The following SPAG16 variants were observed in gnomAD, a reference collection of about 807,000 sequenced individuals.
SPAG16 encodes sperm associated antigen 16, also known as sperm-associated antigen 16 protein.
Under a neutral mutation model 80.4 loss-of-function variants are expected in SPAG16, and 86 were observed. That is an observed-to-expected ratio of 1.07 (90% confidence interval 0.90 to 1.28). SPAG16 has a LOEUF of 1.28. Among genes scored for constraint, SPAG16 ranks in the 50% most tolerant of loss-of-function variants. The pLI is 0.00. For synonymous variants in SPAG16, 294 were observed against 265.9 expected, an observed-to-expected ratio of 1.11 and a Z score of -1.03; for missense variants, 870 against 765.3, an observed-to-expected ratio of 1.14 and a Z score of -1.61.
chr2:213,844,281 A>G (rs11885664), intron 10 of SPAG16, among the ~76,000 whole-genome samples: 53,747 of 152,090 alleles, frequency 0.35, 10,086 homozygotes, highest in East Asian at 0.53. Flanking sequence ...CAGCCTAATT[A>G]ACATTCAGAG....
chr2:213,772,564 C>CTA (rs2069315871), intron 10 of SPAG16, among the ~76,000 whole-genome samples: 1 of 152,058 alleles, frequency 6.6e-6, no homozygotes, highest in African/African-American at 2.4e-5. Flanking sequence ...AAGAGTACTA[C>CTA]TATATATATG....
chr2:213,679,622 A>T (rs1443232911), intron 10 of SPAG16, among the ~76,000 whole-genome samples: 2 of 152,108 alleles, frequency 1.3e-5, no homozygotes, highest in East Asian at 3.8e-4. Context: ...CCGGTGATTT[A>T]TGTGTTTGCC....
At chr2:214,301,430 C>A (rs981309040) in intron 15 of SPAG16, among the ~76,000 whole-genome samples, 1 of 152,074 alleles carries the variant, frequency 6.6e-6, no homozygotes, top group Admixed American at 6.6e-5. Flanking sequence ...TCCACTCTCA[C>A]CACTCCTATT....
intron 15 of SPAG16, among the ~76,000 whole-genome samples, chr2:214,396,946 T>G (rs2126137302): frequency 6.6e-6 from 1 of 151,928 alleles, no homozygotes; most frequent in East Asian, 1.9e-4. Flanking sequence ...AATACTGGGA[T>G]TTACTAGGAA....
chr2:213,324,287 T>A (rs962762358), intron 5 of SPAG16, among the ~76,000 whole-genome samples: 1 of 152,166 alleles, frequency 6.6e-6, no homozygotes. Flanking sequence ...TTACAGTTAT[T>A]TTTTGTTATG....
chr2:213,456,090 C>T (rs939460147), intron 9 of SPAG16, among the ~76,000 whole-genome samples: 2 of 152,204 alleles, frequency 1.3e-5, no homozygotes, highest in Non-Finnish European at 2.9e-5. Flanking sequence ...CAGTGAGCAG[C>T]CAGACTTGGC....
chr2:214,125,999 TTTCCTTCCTTCCTTCCTTCCTTCCTTCC>T (rs869163622), intron 14 of SPAG16, among the ~76,000 whole-genome samples: 19,045 of 91,502 alleles, frequency 0.21, 5,062 homozygotes, highest in South Asian at 0.32. Flanking sequence ...TCCTTCCTTC[TTTCCTTCCTTCCTTCCTTCCTTCCTTCC>T]TTCCTTCCTT....
intron 10 of SPAG16, among the ~76,000 whole-genome samples, chr2:213,650,664 C>T (rs2062987960): frequency 6.6e-6 from 1 of 152,180 alleles, no homozygotes; most frequent in African/African-American, 2.4e-5. Flanking sequence ...GCAGCAGATA[C>T]TTCTATCTGC....
intron 7 of SPAG16, 27 bp from the exon 8 acceptor site, chr2:213,364,049 T>G (rs773917559): frequency 9.6e-6 from 12 of 1,244,572 alleles, no homozygotes; most frequent in African/African-American, 1.6e-5. Flanking sequence ...AGTGTATAAT[T>G]TCATTTCTTT....
intron 15 of SPAG16, among the ~76,000 whole-genome samples, chr2:214,384,565 C>T (rs1227823920): frequency 2.6e-5 from 4 of 152,168 alleles, no homozygotes; most frequent in Non-Finnish European, 1.5e-5. Context: ...TCCTCCCTAT[C>T]CCATGAATAA....
intron 12 of SPAG16, among the ~76,000 whole-genome samples, chr2:213,948,099 A>G (rs2079552915): frequency 6.6e-6 from 1 of 152,104 alleles, no homozygotes; most frequent in African/African-American, 2.4e-5. Flanking sequence ...CTAACTTCTC[A>G]GAATTAGTTT....
intron 10 of SPAG16, among the ~76,000 whole-genome samples, chr2:213,603,446 G>C (rs1347985220): frequency 6.6e-6 from 1 of 152,162 alleles, no homozygotes; most frequent in East Asian, 1.9e-4. Flanking sequence ...TATTTAAATG[G>C]AGTTGAGTTT....
intron 7 of SPAG16, among the ~76,000 whole-genome samples, chr2:213,355,860 TTCTC>T (rs2065619424): frequency 6.6e-6 from 1 of 152,196 alleles, no homozygotes; most frequent in Non-Finnish European, 1.5e-5. Context: ...CTTTATTTCT[TTCTC>T]TTGCCTGATT....
chr2:213,768,142 A>G (rs1049026251), intron 10 of SPAG16, among the ~76,000 whole-genome samples: 3 of 152,198 alleles, frequency 2.0e-5, no homozygotes, highest in Non-Finnish European at 4.4e-5. Context: ...GCACACACCT[A>G]CAGGTAAAGG....
chr2:214,175,394 G>A (rs2057043918), intron 15 of SPAG16, among the ~76,000 whole-genome samples: 1 of 150,170 alleles, frequency 6.7e-6, no homozygotes, highest in South Asian at 2.1e-4. Context: ...GATGAATGTG[G>A]TCTTCTGAGT....
chr2:214,074,885 C>T (rs1400524671), intron 13 of SPAG16, among the ~76,000 whole-genome samples: 4 of 152,078 alleles, frequency 2.6e-5, no homozygotes, highest in African/African-American at 9.6e-5. Context: ...GCAGATAACG[C>T]AAACTGTTAG....
intron 12 of SPAG16, among the ~76,000 whole-genome samples, chr2:213,992,365 C>T (rs2046326724): frequency 6.6e-6 from 1 of 152,014 alleles, no homozygotes; most frequent in African/African-American, 2.4e-5. Flanking sequence ...ATGAATGATT[C>T]CATATGTAGG....
At chr2:213,745,494 C>T (rs1176108195) in intron 10 of SPAG16, among the ~76,000 whole-genome samples, 1 of 152,162 alleles carries the variant, frequency 6.6e-6, no homozygotes, top group Non-Finnish European at 1.5e-5. Flanking sequence ...CCACTCACCT[C>T]GACCTCCCAA....
intron 9 of SPAG16, among the ~76,000 whole-genome samples, chr2:213,389,588 A>T (rs1019520223): frequency 6.6e-6 from 1 of 152,212 alleles, no homozygotes; most frequent in East Asian, 1.9e-4. Flanking sequence ...AAGGACTTTA[A>T]TAACACATTT....
Sources: gnomAD v4.1 joint callset for allele counts (sites outside exome capture counted in the v4.1 genomes callset) on GRCh38, gnomAD v4.1.1 for gene constraint, MANE v1.5 for transcripts, NCBI Gene and HGNC (gene_info 2026-07-23, HGNC 2026-07-21) for gene names.